Variants in PRIM2 observed in about 807,000 individuals in gnomAD.
The protein encoded by PRIM2 is DNA primase large subunit.
PRIM2 carries 39 observed loss-of-function variants against 67.3 expected under a neutral mutation model. That is an observed-to-expected ratio of 0.58 (90% CI 0.45 to 0.76). The LOEUF (loss-of-function observed/expected upper bound fraction) is 0.76, where lower values mean the gene tolerates loss of function less well. PRIM2 is among the 30% of genes least tolerant of loss of function. The pLI is 0.00. For synonymous variants in PRIM2, 143 were observed against 198.7 expected, an observed-to-expected ratio of 0.72 and a Z score of 2.36; for missense variants, 398 against 598.7, an observed-to-expected ratio of 0.66 and a Z score of 3.50.
intron 12 of PRIM2, among the ~76,000 whole-genome samples, chr6:57,631,677 A>G (rs1230765887): frequency 1.3e-5 from 2 of 152,162 alleles, no homozygotes; most frequent in Non-Finnish European, 2.9e-5. Context: ...ACACAGCAGT[A>G]TTTTATGCTG....
chr6:57,598,321 A>C (rs1776404694), intron 10 of PRIM2, among the ~76,000 whole-genome samples: 1 of 152,296 alleles, frequency 6.6e-6, no homozygotes, highest in Admixed American at 6.5e-5. Flanking sequence ...GTAGAAGATA[A>C]ATTTTTGACT....
At chr6:57,631,453 T>A (rs1476044214) in intron 12 of PRIM2, among the ~76,000 whole-genome samples, 2 of 152,164 alleles carry the variant, frequency 1.3e-5, no homozygotes, top group African/African-American at 4.8e-5. Context: ...TCTGAAGAGA[T>A]TACATGAAGT....
chr6:57,593,910 G>A (rs1212010760), intron 10 of PRIM2, among the ~76,000 whole-genome samples: 1 of 152,176 alleles, frequency 6.6e-6, no homozygotes, highest in Non-Finnish European at 1.5e-5. Flanking sequence ...AATACTTTTA[G>A]CTTTTCTCTT....
At chr6:57,566,727 G>A (rs1426674566) in intron 10 of PRIM2, among the ~76,000 whole-genome samples, 1 of 152,126 alleles carries the variant, frequency 6.6e-6, no homozygotes, top group Admixed American at 6.5e-5. Flanking sequence ...TGAGAAATAG[G>A]ATGATTTAGG....
the PRIM2 span, among the ~76,000 whole-genome samples, chr6:57,276,661 A>C: frequency 2.6e-5 from 4 of 152,046 alleles, no homozygotes; most frequent in African/African-American, 9.7e-5. Flanking sequence ...TGGGAGGCCA[A>C]AACAGGCAGA....
chr6:57,423,481 G>A (rs1482923059), intron 7 of PRIM2, among the ~76,000 whole-genome samples: 1 of 152,152 alleles, frequency 6.6e-6, no homozygotes, highest in African/African-American at 2.4e-5. Context: ...GAATGGATTG[G>A]AGGGATGGCG....
chr6:57,559,503 A>C (rs1293008830), intron 10 of PRIM2, among the ~76,000 whole-genome samples: 48 of 152,320 alleles, frequency 3.2e-4, no homozygotes, highest in Non-Finnish European at 6.0e-4. Flanking sequence ...TTCACAATAA[A>C]CATCTTTCCT....
At chr6:57,442,932 T>C in intron 7 of PRIM2, among the ~76,000 whole-genome samples, 1 of 152,180 alleles carries the variant, frequency 6.6e-6, no homozygotes, top group East Asian at 1.9e-4. Flanking sequence ...CATCTCCTTA[T>C]AACTCCCACT....
chr6:57,272,200 G>A, the PRIM2 span, among the ~76,000 whole-genome samples: 3 of 152,132 alleles, frequency 2.0e-5, no homozygotes, highest in East Asian at 3.9e-4. Flanking sequence ...TTTCTGTCTC[G>A]TTGATCTTTC....
intron 5 of PRIM2, among the ~76,000 whole-genome samples, chr6:57,369,114 C>T (rs1362518489): frequency 1.3e-5 from 2 of 152,212 alleles, no homozygotes; most frequent in African/African-American, 4.8e-5. Context: ...GTATAATTCT[C>T]CCTCAGTGAG....
the PRIM2 span, among the ~76,000 whole-genome samples, chr6:57,284,410 A>G: frequency 0.011 from 1,746 of 152,308 alleles, 18 homozygotes; most frequent in Non-Finnish European, 0.017. Flanking sequence ...GATGTAGTCT[A>G]TGTTCTGATC....
chr6:57,546,797 T>C (rs1775297557), intron 10 of PRIM2, among the ~76,000 whole-genome samples: 1 of 152,186 alleles, frequency 6.6e-6, no homozygotes, highest in South Asian at 2.1e-4. Flanking sequence ...GAACATTCCA[T>C]TGTTGTATGA....
intron 12 of PRIM2, among the ~76,000 whole-genome samples, chr6:57,623,438 T>C (rs1438559834): frequency 2.6e-5 from 4 of 152,200 alleles, no homozygotes; most frequent in Non-Finnish European, 5.9e-5. Context: ...TAAAATTGCA[T>C]TCAAATGGAA....
the PRIM2 span, among the ~76,000 whole-genome samples, chr6:57,278,413 C>T: frequency 1.3e-5 from 2 of 152,202 alleles, no homozygotes; most frequent in Non-Finnish European, 2.9e-5. Flanking sequence ...AACCATCTCT[C>T]TTCCCTTCCA....
At chr6:57,261,602 G>A in the PRIM2 span, among the ~76,000 whole-genome samples, 2 of 152,214 alleles carry the variant, frequency 1.3e-5, no homozygotes, top group Non-Finnish European at 2.9e-5. Flanking sequence ...CCATGGCAAT[G>A]TCTTCCTCCT....
At chr6:57,454,854 T>C (rs1772703745) in intron 7 of PRIM2, among the ~76,000 whole-genome samples, 1 of 152,212 alleles carries the variant, frequency 6.6e-6, no homozygotes, top group African/African-American at 2.4e-5. Flanking sequence ...CTCTTGCTTC[T>C]CTAGTTCTTT....
chr6:57,325,901 T>C (rs752383765), intron 4 of PRIM2, 24 bp from the exon 5 acceptor site: 87 of 1,557,268 alleles, frequency 5.6e-5, no homozygotes, highest in Non-Finnish European at 6.4e-5. Context: ...TAGTTTGTAC[T>C]CATAATTTCT....
chr6:57,334,270 G>C (rs151001113), intron 5 of PRIM2, among the ~76,000 whole-genome samples: 1 of 151,508 alleles, frequency 6.6e-6, no homozygotes, highest in South Asian at 2.1e-4. Context: ...ATATTATTCC[G>C]TTATGTATAT....
chr6:57,563,802 A>G (rs1283151895), intron 10 of PRIM2, among the ~76,000 whole-genome samples: 1 of 152,134 alleles, frequency 6.6e-6, no homozygotes, highest in Non-Finnish European at 1.5e-5. Flanking sequence ...CTGGGATTAC[A>G]GGCACACGCC....
Sources: gnomAD v4.1 joint callset for allele counts (sites outside exome capture counted in the v4.1 genomes callset) on GRCh38, gnomAD v4.1.1 for gene constraint, MANE v1.5 for transcripts, NCBI Gene and HGNC (gene_info 2026-07-23, HGNC 2026-07-21) for gene names.